Variants in NTM observed in about 807,000 individuals in gnomAD.
The protein encoded by NTM is IgLON family member 2.
A neutral mutation model predicts 42.1 loss-of-function variants in NTM; 13 were observed. The ratio of observed to expected loss-of-function variants is 0.31; its 90% CI spans 0.20 to 0.49. The LOEUF is 0.49. Among genes scored for constraint, NTM ranks in the 20% least tolerant of loss-of-function variants. The pLI is 0.99. For missense variants in NTM, 373 were observed against 452.8 expected, an observed-to-expected ratio of 0.82 and a Z score of 1.60; for synonymous variants, 187 against 179.2, an observed-to-expected ratio of 1.04 and a Z score of -0.35.
chr11:132,069,279 G>A (rs374506638), intron 2 of NTM, among the ~76,000 whole-genome samples: 1,725 of 147,038 alleles, frequency 0.012, 55 homozygotes, highest in African/African-American at 0.04. Context: ...TAGTTAACAC[G>A]TCACTCAGCC....
At chr11:131,968,496 A>G (rs1483691354) in intron 2 of NTM, among the ~76,000 whole-genome samples, 1 of 152,128 alleles carries the variant, frequency 6.6e-6, no homozygotes, top group Admixed American at 6.5e-5. Context: ...GTACCCAGCA[A>G]AAGTAGGCTC....
chr11:132,078,435 G>A (rs1163304163), intron 2 of NTM, among the ~76,000 whole-genome samples: 1 of 152,198 alleles, frequency 6.6e-6, no homozygotes, highest in African/African-American at 2.4e-5. Context: ...CACCGGTGAC[G>A]CTAGCAGTAG....
At chr11:131,574,842 C>A (rs1356024567) in intron 1 of NTM, among the ~76,000 whole-genome samples, 1 of 152,086 alleles carries the variant, frequency 6.6e-6, no homozygotes, top group Non-Finnish European at 1.5e-5. Flanking sequence ...GCTCCCTCCC[C>A]ACTCCCCACT....
At chr11:131,572,762 A>G (rs1372373029) in intron 1 of NTM, among the ~76,000 whole-genome samples, 1 of 152,178 alleles carries the variant, frequency 6.6e-6, no homozygotes, top group Non-Finnish European at 1.5e-5. Flanking sequence ...TTCAGGCAGA[A>G]GCTTTTTAAG....
chr11:132,100,346 G>T (rs962577274), intron 2 of NTM, among the ~76,000 whole-genome samples: 2 of 152,172 alleles, frequency 1.3e-5, no homozygotes, highest in African/African-American at 2.4e-5. Flanking sequence ...GGATTGATTT[G>T]GAAGATGGTT....
intron 1 of NTM, among the ~76,000 whole-genome samples, chr11:131,619,224 T>C (rs1250004246): frequency 6.6e-6 from 1 of 152,176 alleles, no homozygotes; most frequent in Non-Finnish European, 1.5e-5. Context: ...ATAAGGAAAG[T>C]GGAGGCAGTC....
intron 4 of NTM, among the ~76,000 whole-genome samples, chr11:132,279,338 C>T (rs2093873633): frequency 6.6e-6 from 1 of 152,172 alleles, no homozygotes; most frequent in Non-Finnish European, 1.5e-5. Flanking sequence ...TTAGACTTGG[C>T]CTCTGCTTCC....
chr11:131,563,358 C>T (rs928219693), intron 1 of NTM, among the ~76,000 whole-genome samples: 4 of 152,086 alleles, frequency 2.6e-5, no homozygotes, highest in Non-Finnish European at 4.4e-5. Context: ...TTGTCAAGGA[C>T]GGCACTCTCT....
intron 2 of NTM, among the ~76,000 whole-genome samples, chr11:131,936,061 A>G (rs1221425914): frequency 1.3e-5 from 2 of 152,304 alleles, no homozygotes; most frequent in East Asian, 3.9e-4. Flanking sequence ...TCAACTCCTA[A>G]GAATATCAAT....
intron 2 of NTM, among the ~76,000 whole-genome samples, chr11:132,069,990 T>A (rs1353833337): frequency 7.7e-6 from 1 of 130,538 alleles, no homozygotes; most frequent in African/African-American, 3.2e-5. Flanking sequence ...CGATCACAGG[T>A]TAGTTAACAC....
At chr11:131,714,825 G>A (rs966682774) in intron 1 of NTM, among the ~76,000 whole-genome samples, 1 of 152,150 alleles carries the variant, frequency 6.6e-6, no homozygotes, top group Non-Finnish European at 1.5e-5. Context: ...TTCTACAGAG[G>A]CATGCCCAGT....
rs142236544 is a variant in NTM, at chr11:131,529,291, A to G, written c.82+158403A>G. Among the ~76,000 whole-genome samples, 14 of 152,372 alleles carry G rather than the reference A, an allele frequency of 9.2e-5. No homozygotes were observed. The Middle Eastern group carries it at 0.01, about 111-fold the overall frequency. On this transcript the variant is annotated intron_variant, in intron 1 of 8. Transcript: ENST00000683400. ...TAGTAAATCCAGAGGACAATCATGTAAAAGATAGACTCTTAGATAATTGAT... is the reference window on the plus strand; with the variant it reads ...TAGTAAATCCAGAGGACAATCATGTGAAAGATAGACTCTTAGATAATTGAT...
chr11:131,475,727 ATTGT>A (rs1327300701), intron 1 of NTM, among the ~76,000 whole-genome samples: 2 of 152,140 alleles, frequency 1.3e-5, no homozygotes, highest in Non-Finnish European at 2.9e-5. Context: ...CCAAAGATAG[ATTGT>A]TTGTTTAATG....
chr11:131,424,600 C>CTTTTTTTTTTTCTTTTTTTTTTT (rs1947889479), intron 1 of NTM, among the ~76,000 whole-genome samples: 1 of 56,052 alleles, frequency 1.8e-5, no homozygotes, highest in Non-Finnish European at 3.2e-5. Flanking sequence ...CTTTTCTTTT[C>CTTTTTTTTTTTCTTTTTTTTTTT]TTTTTTTTTT....
intron 4 of NTM, among the ~76,000 whole-genome samples, chr11:132,257,906 C>T (rs575824800): frequency 1.3e-5 from 2 of 152,292 alleles, no homozygotes; most frequent in South Asian, 4.1e-4. Flanking sequence ...CCTTCGATTT[C>T]CTAATAGATT....
chr11:132,064,992 A>C (rs1262453364), intron 2 of NTM, among the ~76,000 whole-genome samples: 1 of 152,212 alleles, frequency 6.6e-6, no homozygotes, highest in Non-Finnish European at 1.5e-5. Context: ...GTGTATGTTA[A>C]GATTCAAAGA....
rs1323881016 is a variant in NTM at position 131,934,974 on chromosome 11, C to A, written c.167+23326C>A. On this transcript the variant is annotated intron_variant, in intron 2 of 8. Coordinates refer to ENST00000683400, the MANE Select transcript of NTM (RefSeq NM_001352005.2). Reference sequence around the variant, plus strand: ...TCTGGGTGACAACAGGACGCTGCTGCCTGGCCTCTTGGAGACTGGCTTATA... The same window carrying A: ...TCTGGGTGACAACAGGACGCTGCTGACTGGCCTCTTGGAGACTGGCTTATA... 4.6e-5 allele frequency among the ~76,000 whole-genome samples: 7 copies of A among 152,264 alleles called. No individual in the cohort carries two copies. The South Asian group carries it at 1.5e-3, about 32-fold the overall frequency.
At chr11:131,520,666 A>G (rs368051153) in intron 1 of NTM, among the ~76,000 whole-genome samples, 1 of 152,156 alleles carries the variant, frequency 6.6e-6, no homozygotes, top group Non-Finnish European at 1.5e-5. Flanking sequence ...TTTGTGTCTT[A>G]TGACAGCTGC....
At chr11:132,200,112 C>T (rs2080922532) in intron 3 of NTM, among the ~76,000 whole-genome samples, 2 of 152,230 alleles carry the variant, frequency 1.3e-5, no homozygotes, top group Middle Eastern at 3.4e-3. Context: ...GGGGAAGGAG[C>T]TTCGCCTTGA....
Sources: allele counts gnomAD v4.1 joint callset (sites outside exome capture counted in the v4.1 genomes callset), GRCh38; gene constraint gnomAD v4.1.1; transcripts MANE v1.5; gene names NCBI Gene and HGNC (gene_info 2026-07-23, HGNC 2026-07-21).